HS6ST3: variants seen among roughly 807,000 people sequenced by gnomAD.
HS6ST3 encodes heparan-sulfate 6-O-sulfotransferase 3.
A neutral mutation model predicts 36.7 loss-of-function variants in HS6ST3; 12 were observed. That is an observed-to-expected ratio of 0.33 (90% CI 0.21 to 0.53). The LOEUF (loss-of-function observed/expected upper bound fraction) is 0.53. Ranked by LOEUF, HS6ST3 falls within the 20% of genes least tolerant of loss-of-function variation. The pLI is 0.95. For synonymous variants in HS6ST3, 240 were observed against 257.5 expected, an observed-to-expected ratio of 0.93 and a Z score of 0.65; for missense variants, 584 against 640.9, an observed-to-expected ratio of 0.91 and a Z score of 0.96.
chr13:96,449,937 A>G (rs1191780353), intron 1 of HS6ST3, among the ~76,000 whole-genome samples: 1 of 152,204 alleles, frequency 6.6e-6, no homozygotes, highest in Non-Finnish European at 1.5e-5. Flanking sequence ...TATATTGCTT[A>G]CTAAAACTCT....
At chr13:96,433,975 G>T (rs1156696579) in intron 1 of HS6ST3, among the ~76,000 whole-genome samples, 1 of 152,032 alleles carries the variant, frequency 6.6e-6, no homozygotes. Flanking sequence ...TTTATAAACT[G>T]CCCAGTCTTG....
chr13:96,367,620 G>T (rs893429775), intron 1 of HS6ST3, among the ~76,000 whole-genome samples: 1 of 152,172 alleles, frequency 6.6e-6, no homozygotes, highest in Admixed American at 6.5e-5. Flanking sequence ...AACAATGATG[G>T]AAGTGAAAGG....
intron 1 of HS6ST3, among the ~76,000 whole-genome samples, chr13:96,666,126 A>G (rs1044122630): frequency 2.6e-5 from 4 of 152,156 alleles, no homozygotes; most frequent in Non-Finnish European, 5.9e-5. Flanking sequence ...GAAAGCAAAC[A>G]TGTACTTCTT....
intron 1 of HS6ST3, among the ~76,000 whole-genome samples, chr13:96,112,578 A>AATATACATATAT (rs397773858): frequency 0.038 from 3,061 of 81,130 alleles, 951 homozygotes; most frequent in East Asian, 0.058. Context: ...AAAATAAATA[A>AATATACATATAT]ATATATATAT....
At chr13:96,261,721 C>T (rs542354732) in intron 1 of HS6ST3, among the ~76,000 whole-genome samples, 4 of 152,314 alleles carry the variant, frequency 2.6e-5, no homozygotes, top group East Asian at 1.9e-4. Flanking sequence ...AAATGCTATT[C>T]TCCAAAGTGT....
chr13:96,234,159 C>T (rs1402902422), intron 1 of HS6ST3, among the ~76,000 whole-genome samples: 1 of 151,808 alleles, frequency 6.6e-6, no homozygotes, highest in Non-Finnish European at 1.5e-5. Context: ...CCTGTAATCC[C>T]AGCACTTTGG....
intron 1 of HS6ST3, among the ~76,000 whole-genome samples, chr13:96,096,414 G>A (rs768311910): frequency 3.3e-5 from 5 of 152,178 alleles, no homozygotes; most frequent in Non-Finnish European, 7.3e-5. Context: ...ATTTCTTCTT[G>A]GGGAAAGGGT....
intron 1 of HS6ST3, among the ~76,000 whole-genome samples, chr13:96,521,642 G>A (rs1250114474): frequency 6.6e-6 from 1 of 152,186 alleles, no homozygotes; most frequent in Non-Finnish European, 1.5e-5. Flanking sequence ...TTTGCATAGA[G>A]GTGTTTATAG....
chr13:96,786,920 T>C (rs1877667258), intron 1 of HS6ST3, among the ~76,000 whole-genome samples: 2 of 152,132 alleles, frequency 1.3e-5, no homozygotes, highest in Non-Finnish European at 2.9e-5. Context: ...TAACCACTGA[T>C]CTGTTCTCCA....
intron 1 of HS6ST3, among the ~76,000 whole-genome samples, chr13:96,795,188 A>T (rs189487869): frequency 1.3e-5 from 2 of 152,142 alleles, no homozygotes; most frequent in East Asian, 3.9e-4. Flanking sequence ...ACTGTCTTTC[A>T]AAGTACACAT....
At chr13:96,443,253 G>A (rs1342496546) in intron 1 of HS6ST3, among the ~76,000 whole-genome samples, 3 of 151,852 alleles carry the variant, frequency 2.0e-5, no homozygotes, top group Non-Finnish European at 4.4e-5. Context: ...AGACTAGGCC[G>A]GGTGCGGTGG....
intron 1 of HS6ST3, among the ~76,000 whole-genome samples, chr13:96,487,342 T>G (rs1201605360): frequency 6.6e-6 from 1 of 152,128 alleles, no homozygotes; most frequent in Non-Finnish European, 1.5e-5. Context: ...TTGAGGTTTT[T>G]CAGAGCACTT....
chr13:96,486,849 G>T (rs944186619), intron 1 of HS6ST3, among the ~76,000 whole-genome samples: 1 of 152,130 alleles, frequency 6.6e-6, no homozygotes, highest in African/African-American at 2.4e-5. Context: ...AACTGAGAAG[G>T]CAGTAAACTA....
chr13:96,393,839 G>C (rs2055407910), intron 1 of HS6ST3, among the ~76,000 whole-genome samples: 2 of 152,146 alleles, frequency 1.3e-5, no homozygotes, highest in Non-Finnish European at 2.9e-5. Context: ...AAAGCTGTAG[G>C]GGTGGGGTGA....
In HS6ST3 at chr13:96,834,484, G is replaced by A. The variant is rs1285591048; in HGVS notation, c.*1286G>A. ...TGGACAAGAAATGTGCTGCATTGCC[G>A]AGTTCTTATTTTCACCTTTTCATAA... On this transcript the variant is annotated 3_prime_UTR_variant, in exon 2 of 2. Coordinates refer to ENST00000376705, the MANE Select transcript of HS6ST3 (RefSeq NM_153456.4). The A allele has an allele frequency of 2.6e-5, 4 of 152,164 alleles. No individual in the cohort carries two copies. The highest frequency in any genetic ancestry group is 6.5e-5 in the Admixed American group (1 of 15,280). 9.4% of individuals were successfully genotyped at this position (152,164 alleles called of 1,614,324 possible).
chr13:96,330,240 G>T (rs1224895125), intron 1 of HS6ST3, among the ~76,000 whole-genome samples: 33 of 151,138 alleles, frequency 2.2e-4, no homozygotes, highest in African/African-American at 7.3e-4. Flanking sequence ...GTTAGCTGGT[G>T]ATTTTGCTCG....
At chr13:96,719,138 G>A (rs1412855896) in intron 1 of HS6ST3, among the ~76,000 whole-genome samples, 2 of 152,082 alleles carry the variant, frequency 1.3e-5, no homozygotes, top group East Asian at 1.9e-4. Context: ...GCAGGGTATG[G>A]TGGCGGGCGC....
At chr13:96,502,613 G>C (rs916048065) in intron 1 of HS6ST3, among the ~76,000 whole-genome samples, 1 of 152,142 alleles carries the variant, frequency 6.6e-6, no homozygotes. Flanking sequence ...ATTCACTGGA[G>C]TCAGATATAC....
intron 1 of HS6ST3, among the ~76,000 whole-genome samples, chr13:96,537,346 T>C (rs2056159985): frequency 6.6e-6 from 1 of 152,140 alleles, no homozygotes; most frequent in African/African-American, 2.4e-5. Flanking sequence ...ATGTGGGAAT[T>C]ATGGGAGCTA....
Sources: allele counts gnomAD v4.1 joint callset (sites outside exome capture counted in the v4.1 genomes callset), GRCh38; gene constraint gnomAD v4.1.1; transcripts MANE v1.5; gene names NCBI Gene and HGNC (gene_info 2026-07-23, HGNC 2026-07-21).